The following SIDT1 variants were observed in gnomAD, a reference collection of about 807,000 sequenced individuals.
The protein encoded by SIDT1 is SID1 transmembrane family, member 1.
A neutral mutation model predicts 107.5 loss-of-function variants in SIDT1; 101 were observed. The observed-to-expected ratio is 0.94, with a 90% CI of 0.80 to 1.11. The LOEUF (loss-of-function observed/expected upper bound fraction) is 1.11, where lower values mean the gene tolerates loss of function less well. Among genes scored for constraint, SIDT1 ranks in the 50% least tolerant of loss-of-function variants. The probability of loss-of-function intolerance (pLI) is 0.00; values close to 1 mark genes in which losing one functional copy is unlikely to be tolerated. For synonymous variants in SIDT1, 395 were observed against 398.2 expected, an observed-to-expected ratio of 0.99 and a Z score of 0.10; for missense variants, 1,076 against 1,058.2, an observed-to-expected ratio of 1.02 and a Z score of -0.23.
chr3:113,632,146 C>T (rs1410721947), downstream of SIDT1, among the ~76,000 whole-genome samples: 1 of 152,014 alleles, frequency 6.6e-6, no homozygotes, highest in Non-Finnish European at 1.5e-5. Flanking sequence ...TCTCCTGTCC[C>T]GGCATTATAG....
At chr3:113,604,563 A>G (rs1945187543) in intron 13 of SIDT1, among the ~76,000 whole-genome samples, 1 of 152,256 alleles carries the variant, frequency 6.6e-6, no homozygotes, top group Non-Finnish European at 1.5e-5. Flanking sequence ...GAAAAGAAAG[A>G]AAAAAGAAAC....
At chr3:113,631,140 A>C (rs1411256832), downstream of SIDT1, among the ~76,000 whole-genome samples, 1 of 152,174 alleles carries the variant, frequency 6.6e-6, no homozygotes, top group Non-Finnish European at 1.5e-5. Context: ...GCTGTTTATA[A>C]TGTGACACCT....
Position 113,623,613 on chromosome 3 carries a change from C to T in SIDT1, c.2197-10C>T, listed in dbSNP as rs746457227. 5.0e-6 allele frequency: 8 copies of T among 1,607,338 alleles called. No individual in the cohort carries two copies. In the East Asian group the frequency reaches 1.3e-4, roughly 27 times the overall value. On this transcript the variant is annotated splice_polypyrimidine_tract_variant and intron_variant, in intron 22 of 24. Coordinates refer to ENST00000264852, the MANE Select transcript of SIDT1 (RefSeq NM_017699.3). ...GTCGCGTGAGGCCGCATCTGCTTCT[C>T]CTCCCACAGCTCCGCAGCTCTGAAA...
At chr3:113,556,828 T>TTTTTTTC (rs1940922544) in intron 1 of SIDT1, among the ~76,000 whole-genome samples, 1 of 141,798 alleles carries the variant, frequency 7.1e-6, no homozygotes. Flanking sequence ...TTTCTTTTTT[T>TTTTTTTC]TTTTTTTTTG....
chr3:113,593,064 G>T lies in SIDT1; in HGVS notation c.1045+16G>T. The T allele has an allele frequency of 3.1e-6, 5 of 1,607,798 alleles. No homozygotes were observed. The highest frequency in any genetic ancestry group is 4.3e-6 in the Non-Finnish European group (5 of 1,174,278). On this transcript the variant is annotated intron_variant, in intron 10 of 24. Coordinates refer to ENST00000264852, the MANE Select transcript of SIDT1 (RefSeq NM_017699.3). Reference sequence around the variant, plus strand: ...TCCAATGATGGTAAGAGCAATGCTTGGTTTCAATTCAAAATGGTGTCGCAT... The same window carrying T: ...TCCAATGATGGTAAGAGCAATGCTTTGTTTCAATTCAAAATGGTGTCGCAT...
At position 113,627,874 on chromosome 3, in the gene SIDT1, G is replaced by C; in HGVS notation, c.*166G>C. 1.6e-6 allele frequency: 1 copy of C among 634,594 alleles called. No individual in the cohort carries two copies. The highest frequency in any genetic ancestry group is 2.8e-5 in the East Asian group (1 of 36,110). The allele number at this position is 634,594 out of a possible 1,614,324, so 39.3% of individuals were successfully genotyped here. A position where few individuals can be genotyped will look rare whatever the true frequency, so the allele number is the denominator to read the frequency against. ...GAGGGGCTGCGGGAGATTTAAACCT[G>C]CAAGAAAGGAGGCAGAAGGGGAGCC... On this transcript the variant is annotated 3_prime_UTR_variant, in exon 25 of 25. Coordinates refer to ENST00000264852, the MANE Select transcript of SIDT1 (RefSeq NM_017699.3).
At chr3:113,560,186 T>C (rs974359964) in intron 1 of SIDT1, among the ~76,000 whole-genome samples, 14 of 151,872 alleles carry the variant, frequency 9.2e-5, no homozygotes, top group African/African-American at 3.4e-4. Flanking sequence ...ACACTACGAG[T>C]GGAGGTCTTA....
Position 113,622,926 on chromosome 3 carries a change from G to A in SIDT1, c.2091-501G>A, listed in dbSNP as rs190057756. Among the ~76,000 whole-genome samples, 18 of 152,102 alleles carry A rather than the reference G, an allele frequency of 1.2e-4. No individual in the cohort carries two copies. The East Asian group carries it at 1.5e-3, about 13-fold the overall frequency. On this transcript the variant is annotated intron_variant, in intron 21 of 24. Transcript: ENST00000264852. ...ATATAGGCAAGGCACCATGGCTCACGGCTGTAATCCCAGGGCTTTGGGAGG... is the reference window on the plus strand; with the variant it reads ...ATATAGGCAAGGCACCATGGCTCACAGCTGTAATCCCAGGGCTTTGGGAGG...
chr3:113,595,922 G>C (rs116418447), intron 10 of SIDT1, among the ~76,000 whole-genome samples: 1,878 of 152,250 alleles, frequency 0.012, 51 homozygotes, highest in African/African-American at 0.042. Flanking sequence ...CTCAAACAGA[G>C]CATAGAGAAA....
intron 10 of SIDT1, among the ~76,000 whole-genome samples, chr3:113,594,453 A>C (rs1944397841): frequency 6.6e-6 from 1 of 152,140 alleles, no homozygotes; most frequent in South Asian, 2.1e-4. Context: ...GCCTAGTTGA[A>C]CTTAGGCCTA....
intron 1 of SIDT1, among the ~76,000 whole-genome samples, chr3:113,546,658 TCTTA>T (rs148969380): frequency 0.028 from 4,281 of 152,308 alleles, 103 homozygotes; most frequent in East Asian, 0.094. Flanking sequence ...TTTCTTCGTT[TCTTA>T]CTTTTGGTTT....
chr3:113,632,566 T>C (rs1947101049), downstream of SIDT1: 1 of 152,200 alleles, frequency 6.6e-6, no homozygotes, highest in Non-Finnish European at 1.5e-5. Context: ...GCATTTCCCC[T>C]TTATCCTCTC....
chr3:113,584,096 C>T (rs1943564320), intron 7 of SIDT1, among the ~76,000 whole-genome samples: 1 of 152,192 alleles, frequency 6.6e-6, no homozygotes, highest in African/African-American at 2.4e-5. Flanking sequence ...TGATTGAAAA[C>T]ATAGACCACT....
chr3:113,572,981 T>C (rs539412585), intron 3 of SIDT1, among the ~76,000 whole-genome samples: 1 of 148,594 alleles, frequency 6.7e-6, no homozygotes, highest in South Asian at 2.2e-4. Flanking sequence ...GAGACTACAA[T>C]AAAGATTTAC....
intron 3 of SIDT1, among the ~76,000 whole-genome samples, chr3:113,574,324 G>T (rs1263290002): frequency 5.3e-5 from 8 of 152,162 alleles, no homozygotes; most frequent in African/African-American, 1.9e-4. Flanking sequence ...CAGTCCTGAA[G>T]GGAGTTCATA....
chr3:113,609,669 A>C (rs892614898), intron 17 of SIDT1, among the ~76,000 whole-genome samples: 9 of 152,214 alleles, frequency 5.9e-5, no homozygotes, highest in Non-Finnish European at 1.2e-4. Flanking sequence ...CGGTCGTTTA[A>C]TGTTTGTGCT....
chr3:113,552,482 G>A (rs1940370312), intron 1 of SIDT1, among the ~76,000 whole-genome samples: 1 of 148,850 alleles, frequency 6.7e-6, no homozygotes, highest in African/African-American at 2.6e-5. Flanking sequence ...AAAGCAACTG[G>A]CAAATATAAG....
In SIDT1 at chr3:113,533,082, T is replaced by C. The variant is rs1276062537; in HGVS notation, c.61T>C (p.Ser21Pro). 2.0e-6 allele frequency: 3 copies of C among 1,505,750 alleles called. No homozygotes were observed. In the East Asian group the frequency reaches 8.4e-5, roughly 42 times the overall value. 93.3% of individuals were successfully genotyped at this position (1,505,750 alleles called of 1,614,324 possible). ...GCTGCCCTGGCTCCTGCTGGCGGCG[T>C]CGCCCGGGCACCCGGCGAAATCCCC... is the stretch of plus-strand genomic sequence containing the variant. ...CALPWLLLAA[S>P]PGHPAKSPRQ... Residue 21 changes from serine (S) to proline (P), a missense_variant, in exon 1 of 25, where the codon TCG becomes CCG. Transcript: ENST00000264852.
chr3:113,536,333 T>C (rs1486846430), intron 1 of SIDT1, among the ~76,000 whole-genome samples: 3 of 152,226 alleles, frequency 2.0e-5, no homozygotes, highest in African/African-American at 7.2e-5. Context: ...AGCTTGGACA[T>C]GACTGGTTTC....
Sources: allele counts gnomAD v4.1 joint callset (sites outside exome capture counted in the v4.1 genomes callset), GRCh38; gene constraint gnomAD v4.1.1; transcripts MANE v1.5; gene names NCBI Gene and HGNC (gene_info 2026-07-23, HGNC 2026-07-21).